Variants in CENPO observed in about 807,000 individuals in gnomAD.
CENPO encodes centromeric protein O.
A neutral mutation model predicts 36.1 loss-of-function variants in CENPO; 30 were observed. That is an observed-to-expected ratio of 0.83 (90% CI 0.62 to 1.13). CENPO has a LOEUF of 1.13. CENPO is among the 50% of genes most tolerant of loss of function. The probability of loss-of-function intolerance (pLI) is 0.00; values close to 1 mark genes in which losing one functional copy is unlikely to be tolerated. For missense variants in CENPO, 349 were observed against 357.8 expected, an observed-to-expected ratio of 0.98 and a Z score of 0.20; for synonymous variants, 171 against 142.3, an observed-to-expected ratio of 1.20 and a Z score of -1.44.
At chr2:24,815,811 G>A (rs1666915495) in intron 5 of CENPO, 55 bp downstream of exon 5, 1 of 1,545,972 alleles carries the variant, frequency 6.5e-7, no homozygotes, top group South Asian at 1.2e-5. Context: ...CAACTTAAAA[G>A]GGGGATGTTT....
Position 24,820,151 on chromosome 2 carries a change from G to T in CENPO, c.*833G>T, listed in dbSNP as rs367721249. On this transcript the variant is annotated 3_prime_UTR_variant, in exon 8 of 8. Coordinates refer to ENST00000380834, the MANE Select transcript of CENPO (RefSeq NM_001322101.2). ...GGGGGAGCAAGAACGTGGCGTTACGGGGGGAGCCTAGACTGAGGGCGGGTG... is the reference window on the plus strand; with the variant it reads ...GGGGGAGCAAGAACGTGGCGTTACGTGGGGAGCCTAGACTGAGGGCGGGTG... 4.0e-6 allele frequency: 6 copies of T among 1,508,412 alleles called. No homozygotes were observed. The highest frequency in any genetic ancestry group is 1.4e-5 in the African/African-American group (1 of 71,206). The allele number at this position is 1,508,412 out of a possible 1,614,324, so 93.4% of individuals were successfully genotyped here.
intron 3 of CENPO, among the ~76,000 whole-genome samples, chr2:24,806,487 CA>C (rs1666412772): frequency 6.6e-6 from 1 of 152,234 alleles, no homozygotes; most frequent in Admixed American, 6.5e-5. Context: ...TAACATTTGT[CA>C]GGCACTACTG....
Position 24,822,276 on chromosome 2 carries a change from A to G in CENPO, c.*2958A>G, listed in dbSNP as rs1226169383. On this transcript the variant is annotated 3_prime_UTR_variant, in exon 8 of 8. Coordinates refer to ENST00000380834, the MANE Select transcript of CENPO (RefSeq NM_001322101.2). ...GCCTTAGGGGGCCTGGCCACAGAAC[A>G]CAACCATCTTAGGCCTGAGCTGTGA... 2 of 477,898 alleles carry G rather than the reference A, an allele frequency of 4.2e-6. No individual in the cohort carries two copies. The highest frequency in any genetic ancestry group is 3.6e-6 in the Non-Finnish European group (1 of 275,358). The allele number at this position is 477,898 out of a possible 1,614,324, so 29.6% of individuals were successfully genotyped here.
At position 24,817,466 on chromosome 2, in the gene CENPO, C is replaced by CAAAAAAAAAAAAAAAAAAAAAAAAAAA. The variant is rs57556645; in HGVS notation, c.767-194_767-193insAAAAAAAAAAAAAAAAAAAAAAAAAAA. ...AGTAAGGGGCAGCCTTAGTCCAGAC[C>CAAAAAAAAAAAAAAAAAAAAAAAAAAA]AAAAAAAAAAGCTGTATGGGTCCAG... On this transcript the variant is annotated intron_variant, in intron 6 of 7. Transcript: ENST00000380834. Among the ~76,000 whole-genome samples the CAAAAAAAAAAAAAAAAAAAAAAAAAAA allele has an allele frequency of 5.4e-4, 59 of 110,052 alleles. 7 individuals carry two copies. The highest frequency in any genetic ancestry group is 9.9e-4 in the African/African-American group (23 of 23,124). 72.2% of individuals were successfully genotyped at this position (110,052 alleles called of 152,430 possible). A position where few individuals can be genotyped will look rare whatever the true frequency, so the allele number is the denominator to read the frequency against.
At position 24,820,665 on chromosome 2, in the gene CENPO, G is replaced by A; in HGVS notation, c.*1347G>A. The A allele has an allele frequency of 6.2e-7, 1 of 1,607,016 alleles. No homozygotes were observed. The highest frequency in any genetic ancestry group is 8.5e-7 in the Non-Finnish European group (1 of 1,175,558). On this transcript the variant is annotated 3_prime_UTR_variant, in exon 8 of 8. Coordinates refer to ENST00000380834, the MANE Select transcript of CENPO (RefSeq NM_001322101.2). ...AGGCAGGGGCACGTGGGAAAGCACTGTTCCGGTTTTGTTCTCATGCCGAGT... is the reference window on the plus strand; with the variant it reads ...AGGCAGGGGCACGTGGGAAAGCACTATTCCGGTTTTGTTCTCATGCCGAGT...
chr2:24,793,550 C>T lies in CENPO; in HGVS notation c.-69+49C>T, dbSNP rs771412460. The T allele has an allele frequency of 2.0e-6, 3 of 1,523,922 alleles. No homozygotes were observed. In the East Asian group the frequency reaches 6.9e-5, roughly 35 times the overall value. The allele number at this position is 1,523,922 out of a possible 1,614,324, so 94.4% of individuals were successfully genotyped here. ...GGGAAAGACCCATTGTCGGACCGGA[C>T]CGTGGCCAGGGTGGCGGGCTGAACG... On this transcript the variant is annotated intron_variant, in intron 1 of 7. Transcript: ENST00000380834.
At position 24,821,399 on chromosome 2, in the gene CENPO, G is replaced by T; in HGVS notation, c.*2081G>T. ...AGGTCTCCTTGCCCTGTGAGTGCGT[G>T]AACCTCCCCACCCGAATTGCCTCAG... On this transcript the variant is annotated 3_prime_UTR_variant, in exon 8 of 8. Transcript: ENST00000380834. The T allele has an allele frequency of 1.4e-6, 2 of 1,447,928 alleles. No individual in the cohort carries two copies. The highest frequency in any genetic ancestry group is 1.3e-5 in the South Asian group (1 of 75,886). The allele number at this position is 1,447,928 out of a possible 1,614,324, so 89.7% of individuals were successfully genotyped here. A position where few individuals can be genotyped will look rare whatever the true frequency, so the allele number is the denominator to read the frequency against.
In CENPO at chr2:24,821,048, C is replaced by T; in HGVS notation, c.*1730C>T. The T allele has an allele frequency of 4.8e-6, 1 of 210,350 alleles. No homozygotes were observed. The highest frequency in any genetic ancestry group is 8.0e-6 in the Non-Finnish European group (1 of 125,440). 13.0% of individuals were successfully genotyped at this position (210,350 alleles called of 1,614,324 possible). A position where few individuals can be genotyped will look rare whatever the true frequency, so the allele number is the denominator to read the frequency against. ...TGTGCTTGTTAGGTGTCAGCCGCCA[C>T]CCCCCCCCCATATGCAGATTTACTC... On this transcript the variant is annotated 3_prime_UTR_variant, in exon 8 of 8. Coordinates refer to ENST00000380834, the MANE Select transcript of CENPO (RefSeq NM_001322101.2).
At chr2:24,795,892 G>T (rs6717100) in intron 2 of CENPO, among the ~76,000 whole-genome samples, 141,870 of 152,280 alleles carry the variant, frequency 0.93, 66,202 homozygotes, top group East Asian at 0.99. Context: ...AATAGAGATT[G>T]GTGAATAAAG....
At chr2:24,811,139 T>G (rs985294862) in intron 3 of CENPO, among the ~76,000 whole-genome samples, 2 of 151,828 alleles carry the variant, frequency 1.3e-5, no homozygotes, top group Admixed American at 6.6e-5. Flanking sequence ...AGACAAGGGT[T>G]TCACCATGTT....
Position 24,821,405 on chromosome 2 carries a change from C to T in CENPO, c.*2087C>T. 6.8e-7 allele frequency: 1 copy of T among 1,475,370 alleles called. No homozygotes were observed. Among genetic ancestry groups the T allele is most frequent in the Non-Finnish European group, 9.2e-7 (1 of 1,091,186 alleles). The allele number at this position is 1,475,370 out of a possible 1,614,324, so 91.4% of individuals were successfully genotyped here. A position where few individuals can be genotyped will look rare whatever the true frequency, so the allele number is the denominator to read the frequency against. ...CCTTGCCCTGTGAGTGCGTGAACCT[C>T]CCCACCCGAATTGCCTCAGTTGTCC... On this transcript the variant is annotated 3_prime_UTR_variant, in exon 8 of 8. Transcript: ENST00000380834.
chr2:24,821,623 T>G lies in CENPO; in HGVS notation c.*2305T>G, dbSNP rs1327431501. 2 of 1,613,982 alleles carry G rather than the reference T, an allele frequency of 1.2e-6. No homozygotes were observed. The highest frequency in any genetic ancestry group is 1.7e-5 in the Admixed American group (1 of 60,012). ...GGTCAGCCAGGTGCTGCCAGCGCTC[T>G]CTCTCGGACTTGTCTTCCTGTGCCA... On this transcript the variant is annotated 3_prime_UTR_variant, in exon 8 of 8. Transcript: ENST00000380834.
chr2:24,799,566 G>T, intron 2 of CENPO, 109 bp from the exon 3 acceptor site: 2 of 807,412 alleles, frequency 2.5e-6, no homozygotes, highest in Non-Finnish European at 1.9e-6. Context: ...TGGCCACAAA[G>T]TTCTGGTAAA....
At chr2:24,814,619 C>T in intron 4 of CENPO, 126 bp downstream of exon 4, 1 of 581,460 alleles carries the variant, frequency 1.7e-6, no homozygotes, top group Non-Finnish European at 3.1e-6. Flanking sequence ...GCCCTCATCA[C>T]TCACACACAC....
intron 6 of CENPO, among the ~76,000 whole-genome samples, chr2:24,817,365 C>T (rs966964371): frequency 1.3e-5 from 2 of 151,370 alleles, no homozygotes; most frequent in Non-Finnish European, 2.9e-5. Context: ...GAAGCTGCCC[C>T]AGATTTCACA....
chr2:24,799,244 C>T (rs11125788), intron 2 of CENPO, among the ~76,000 whole-genome samples: 3,467 of 152,186 alleles, frequency 0.023, 71 homozygotes, highest in Non-Finnish European at 0.038. Flanking sequence ...GTGATCCACC[C>T]GCCTTGGCCC....
intron 3 of CENPO, among the ~76,000 whole-genome samples, chr2:24,807,464 T>G (rs1666471766): frequency 6.6e-6 from 1 of 152,270 alleles, no homozygotes; most frequent in Non-Finnish European, 1.5e-5. Context: ...CTGCTTATAG[T>G]GCTCATTTTT....
intron 3 of CENPO, among the ~76,000 whole-genome samples, chr2:24,809,702 T>G (rs955276078): frequency 6.6e-6 from 1 of 152,152 alleles, no homozygotes; most frequent in Admixed American, 6.5e-5. Flanking sequence ...TTCCAAAAAT[T>G]TGAGTATTTG....
chr2:24,818,162 T>C (rs1667048733), intron 7 of CENPO, among the ~76,000 whole-genome samples: 1 of 147,914 alleles, frequency 6.8e-6, no homozygotes, highest in Non-Finnish European at 1.5e-5. Flanking sequence ...GCATTAACTC[T>C]GGGAAAGACC....
Sources: gnomAD v4.1 joint callset for allele counts (sites outside exome capture counted in the v4.1 genomes callset) on GRCh38, gnomAD v4.1.1 for gene constraint, MANE v1.5 for transcripts, NCBI Gene and HGNC (gene_info 2026-07-23, HGNC 2026-07-21) for gene names.